Variants in VPS4B observed in about 807,000 individuals in gnomAD.
VPS4B encodes vacuolar protein sorting-associated protein 4B.
Under a neutral mutation model 56.1 loss-of-function variants are expected in VPS4B, and 23 were observed. That is an observed-to-expected ratio of 0.41 (90% CI 0.30 to 0.58). The LOEUF (loss-of-function observed/expected upper bound fraction) is 0.58, where lower values mean the gene tolerates loss of function less well. VPS4B is among the 20% of genes least tolerant of loss of function. The probability of loss-of-function intolerance (pLI) is 0.29; values close to 1 mark genes in which losing one functional copy is unlikely to be tolerated. For synonymous variants in VPS4B, 177 were observed against 186.0 expected (o/e 0.95, Z 0.39); for missense variants, 372 against 531.9 (o/e 0.70, Z 2.96).
intron 4 of VPS4B, 97 bp downstream of exon 4, chr18:63,407,335 T>C (rs1915940701): frequency 9.1e-7 from 1 of 1,099,664 alleles, no homozygotes; most frequent in Admixed American, 2.6e-5. Flanking sequence ...TTAAACTTCA[T>C]TTAAATATAG....
chr18:63,407,111 T>G (rs535739106), intron 4 of VPS4B, among the ~76,000 whole-genome samples: 1 of 152,252 alleles, frequency 6.6e-6, no homozygotes, highest in African/African-American at 2.4e-5. Flanking sequence ...ACCATCAAAT[T>G]TTGCAGTGTG....
chr18:63,411,953 C>A (rs1916054753), intron 1 of VPS4B, among the ~76,000 whole-genome samples: 1 of 151,998 alleles, frequency 6.6e-6, no homozygotes, highest in African/African-American at 2.4e-5. Flanking sequence ...GAGAAATTCT[C>A]AAAAATTAAA....
At chr18:63,400,780 A>T (rs1915792202) in intron 5 of VPS4B, 77 bp from the exon 6 acceptor site, 5 of 1,387,640 alleles carry the variant, frequency 3.6e-6, no homozygotes, top group Non-Finnish European at 4.9e-6. Flanking sequence ...AATACTCTGG[A>T]AAGATTTTCA....
chr18:63,401,112 T>G (rs977849802), intron 5 of VPS4B, among the ~76,000 whole-genome samples: 1 of 152,186 alleles, frequency 6.6e-6, no homozygotes, highest in South Asian at 2.1e-4. Flanking sequence ...CCATAAAAAA[T>G]GGGCAGCTGG....
chr18:63,395,587 C>T (rs1184343586), intron 9 of VPS4B, among the ~76,000 whole-genome samples: 1 of 152,152 alleles, frequency 6.6e-6, no homozygotes, highest in East Asian at 1.9e-4. Context: ...TATTATGGTA[C>T]ATGATAAATA....
chr18:63,421,519 G>C (rs1372674447), intron 1 of VPS4B, among the ~76,000 whole-genome samples: 1 of 152,172 alleles, frequency 6.6e-6, no homozygotes, highest in Non-Finnish European at 1.5e-5. Flanking sequence ...GATCCATTCT[G>C]GGGATGGGAG....
intron 1 of VPS4B, among the ~76,000 whole-genome samples, chr18:63,421,928 T>G (rs1465074530): frequency 6.6e-6 from 1 of 152,236 alleles, no homozygotes; most frequent in Non-Finnish European, 1.5e-5. Context: ...TTACGTTCTT[T>G]CTTTCTCCGT....
intron 8 of VPS4B, 69 bp downstream of exon 8, chr18:63,399,173 C>A: frequency 1.4e-6 from 2 of 1,412,288 alleles, no homozygotes; most frequent in East Asian, 2.3e-5. Flanking sequence ...CCTGACAAGA[C>A]AAAAAGAGAA....
At chr18:63,398,593 T>C (rs892503512) in intron 8 of VPS4B, among the ~76,000 whole-genome samples, 1 of 151,488 alleles carries the variant, frequency 6.6e-6, no homozygotes, top group Admixed American at 6.6e-5. Flanking sequence ...ATTCCAGCAC[T>C]CTCGGAGGCT....
At position 63,422,291 on chromosome 18, in the gene VPS4B, G is replaced by A. The variant is rs759619827; in HGVS notation, c.-32C>T. The A allele has an allele frequency of 5.4e-6, 8 of 1,483,586 alleles. No homozygotes were observed. The highest frequency in any genetic ancestry group is 7.2e-6 in the Non-Finnish European group (8 of 1,114,808). 91.9% of individuals were successfully genotyped at this position (1,483,586 alleles called of 1,614,324 possible). A position where few individuals can be genotyped will look rare whatever the true frequency, so the allele number is the denominator to read the frequency against. Reference sequence around the variant, plus strand: ...GTTCCCAGGCGGTTCCCAAGGGAACGAGGGGCGAGGAGAGCCAACAGCAGC... The same window carrying A: ...GTTCCCAGGCGGTTCCCAAGGGAACAAGGGGCGAGGAGAGCCAACAGCAGC... On this transcript the variant is annotated 5_prime_UTR_variant, in exon 1 of 11. Coordinates refer to ENST00000238497, the MANE Select transcript of VPS4B (RefSeq NM_004869.4).
At chr18:63,414,763 A>G (rs900226170) in intron 1 of VPS4B, among the ~76,000 whole-genome samples, 2 of 152,174 alleles carry the variant, frequency 1.3e-5, no homozygotes, top group East Asian at 1.9e-4. Flanking sequence ...TATCCTAACT[A>G]TAATTTTCTT....
chr18:63,395,387 T>A (rs1442300043), intron 9 of VPS4B, among the ~76,000 whole-genome samples: 1 of 152,242 alleles, frequency 6.6e-6, no homozygotes. Flanking sequence ...CCACGACTGG[T>A]GTTTTATGAG....
rs531498419 is a variant in VPS4B at position 63,403,938 on chromosome 18, T to C, written c.365-112A>G. On this transcript the variant is annotated intron_variant, in intron 4 of 10. Coordinates refer to ENST00000238497, the MANE Select transcript of VPS4B (RefSeq NM_004869.4). ...GCATTATAAAATTGGGAAAGTTTTA[T>C]GTACTAACAACCTTTTTGAAATAGC... 14 of 1,241,278 alleles carry C rather than the reference T, an allele frequency of 1.1e-5. No individual in the cohort carries two copies. In the African/African-American group the frequency reaches 1.8e-4, roughly 16 times the overall value. 76.9% of individuals were successfully genotyped at this position (1,241,278 alleles called of 1,614,324 possible).
chr18:63,402,977 C>T (rs114565485), intron 5 of VPS4B, among the ~76,000 whole-genome samples: 295 of 152,264 alleles, frequency 1.9e-3, no homozygotes, highest in African/African-American at 6.5e-3. Context: ...GGCCATATTA[C>T]AGTCAAGGCT....
At chr18:63,401,821 T>C (rs997154951) in intron 5 of VPS4B, among the ~76,000 whole-genome samples, 1 of 152,052 alleles carries the variant, frequency 6.6e-6, no homozygotes, top group Admixed American at 6.6e-5. Context: ...GGTGAAACCC[T>C]GACTCTAGTA....
chr18:63,420,339 T>G (rs1454011717), intron 1 of VPS4B, among the ~76,000 whole-genome samples: 14 of 152,162 alleles, frequency 9.2e-5, no homozygotes, highest in Non-Finnish European at 1.5e-5. Context: ...TCCCAGCTAC[T>G]CGGGAGGCTG....
rs573449811 is a variant in VPS4B, at chr18:63,393,658, G to A, written c.1093-109C>T. On this transcript the variant is annotated intron_variant, in intron 9 of 10. Transcript: ENST00000238497. ...TATAATAGTTTTGTATGTTTTATTA[G>A]AATGTTTACTTTTGGAAAAAAAATT... 7.1e-6 allele frequency: 8 copies of A among 1,126,274 alleles called. No homozygotes were observed. In the East Asian group the frequency reaches 1.9e-4, roughly 27 times the overall value. 69.8% of individuals were successfully genotyped at this position (1,126,274 alleles called of 1,614,324 possible).
chr18:63,402,589 A>G (rs2144421049), intron 5 of VPS4B, among the ~76,000 whole-genome samples: 1 of 152,364 alleles, frequency 6.6e-6, no homozygotes, highest in East Asian at 1.9e-4. Flanking sequence ...AAAATAAGCA[A>G]AGAAAAATAT....
Position 63,422,241 on chromosome 18 carries a change from T to C in VPS4B, c.19A>G (p.Asn7Asp). The change falls in exon 1 of 11, where the codon AAC becomes GAC. Residue 7 changes from asparagine to aspartate, a missense_variant. Asn to Asp is a conservative substitution (Grantham distance 23). Transcript: ENST00000238497. MSSTSP[N>D]LQKAIDLASK... ...GAGATGAGCAATGATACCTGGAGGT[T>C]GGGCGAAGTGGATGACATGGCGGAG... 1 of 1,512,164 alleles carries C rather than the reference T, an allele frequency of 6.6e-7. No individual in the cohort carries two copies. The highest frequency in any genetic ancestry group is 8.9e-7 in the Non-Finnish European group (1 of 1,128,580). 93.7% of individuals were successfully genotyped at this position (1,512,164 alleles called of 1,614,324 possible).
Sources: allele counts gnomAD v4.1 joint callset (sites outside exome capture counted in the v4.1 genomes callset), GRCh38; gene constraint gnomAD v4.1.1; transcripts MANE v1.5; gene names NCBI Gene and HGNC (gene_info 2026-07-23, HGNC 2026-07-21).